FAM200A: variants seen among roughly 807,000 people sequenced by gnomAD.
FAM200A encodes ZBED8 like, also known as protein FAM200A.
In FAM200A, 26 loss-of-function variants were observed where a neutral mutation model predicts 44.2. The observed-to-expected ratio is 0.59, with a 90% CI of 0.43 to 0.82. The LOEUF (loss-of-function observed/expected upper bound fraction) is 0.82, where lower values mean the gene tolerates loss of function less well. Ranked by LOEUF, FAM200A falls within the 40% of genes least tolerant of loss-of-function variation. The probability of loss-of-function intolerance (pLI) is 0.00; values close to 1 mark genes in which losing one functional copy is unlikely to be tolerated. For synonymous variants in FAM200A, 206 were observed against 244.4 expected, an observed-to-expected ratio of 0.84 and a Z score of 1.47; for missense variants, 606 against 669.5, an observed-to-expected ratio of 0.91 and a Z score of 1.05.
chr7:99,557,152 T>C (rs1802710633), intron 1 of FAM200A, among the ~76,000 whole-genome samples: 1 of 152,234 alleles, frequency 6.6e-6, no homozygotes, highest in African/African-American at 2.4e-5. Flanking sequence ...TAGCAGCTGC[T>C]GTTTCTTAAC....
intron 1 of FAM200A, among the ~76,000 whole-genome samples, chr7:99,557,654 G>A (rs997924509): frequency 6.6e-6 from 1 of 152,158 alleles, no homozygotes; most frequent in African/African-American, 2.4e-5. Flanking sequence ...ATGAATTTAG[G>A]TTGGATAAAT....
chr7:99,554,915 A>G (rs1802648975), upstream of FAM200A, among the ~76,000 whole-genome samples: 1 of 152,208 alleles, frequency 6.6e-6, no homozygotes, highest in Non-Finnish European at 1.5e-5. Context: ...GAGAGGTGGC[A>G]GTAGAGCAGA....
chr7:99,546,627 GGGA>G lies in FAM200A; in HGVS notation c.*56_*58del. On this transcript the variant is annotated 3_prime_UTR_variant, in exon 2 of 2. Coordinates refer to ENST00000449309, the MANE Select transcript of FAM200A (RefSeq NM_145111.4). ...CTGCCCACCTCGGTCTCCCACTGCT[GGGA>G]TTACAGGCGTAAGCCACCACACCTG... 7.0e-7 allele frequency: 1 copy of G among 1,437,258 alleles called. No homozygotes were observed. Among genetic ancestry groups the G allele is most frequent in the Non-Finnish European group, 9.1e-7 (1 of 1,098,112 alleles). 89.0% of individuals were successfully genotyped at this position (1,437,258 alleles called of 1,614,324 possible).
rs1168102385 is a variant in FAM200A, at chr7:99,547,252, G to C, written c.1156C>G (p.Gln386Glu). The C allele has an allele frequency of 6.4e-7, 1 of 1,551,314 alleles. No individual in the cohort carries two copies. The highest frequency in any genetic ancestry group is 8.7e-7 in the Non-Finnish European group (1 of 1,146,898). The part of the protein sequence containing the change: ...LGFQKTLLLW[Q>E]ARLKSNRPSY... Reference sequence around the variant, plus strand: ...GGGCGGTTACTTTTAAGTCTTGCTTGCCACAATAATAACGTCTTTTGGAAT... The same window carrying C: ...GGGCGGTTACTTTTAAGTCTTGCTTCCCACAATAATAACGTCTTTTGGAAT... The change falls in exon 2 of 2, where the codon CAA becomes GAA. Residue 386 changes from glutamine (Q) to glutamate (E), a missense_variant. By Grantham distance (29) the Gln-to-Glu change is conservative. Coordinates refer to ENST00000449309, the MANE Select transcript of FAM200A (RefSeq NM_145111.4).
Position 99,546,701 on chromosome 7 carries a change from T to TAGATCTC in FAM200A, c.1706_1707insGAGATCT (p.His570ArgfsTer17), listed in dbSNP as rs1177436510. The TAGATCTC allele has an allele frequency of 7.2e-6, 11 of 1,529,262 alleles. No individual in the cohort carries two copies. The highest frequency in any genetic ancestry group is 4.4e-5 in the Admixed American group (2 of 45,782). 94.7% of individuals were successfully genotyped at this position (1,529,262 alleles called of 1,614,324 possible). A position where few individuals can be genotyped will look rare whatever the true frequency, so the allele number is the denominator to read the frequency against. On this transcript the variant is annotated frameshift_variant, in exon 2 of 2. Coordinates refer to ENST00000449309, the MANE Select transcript of FAM200A (RefSeq NM_145111.4). LOFTEE classifies it high-confidence loss of function. ...AAGTTTGTATTTAATGTGATGGGTG[T>TAGATCTC]GCTTGTCTGTTCATAAGTTCCTTCC...
rs867933686 is a variant in FAM200A, at chr7:99,552,103, G to A, written c.-349C>T. The stretch of plus-strand genomic sequence containing the variant: ...AAGCCCCCTGGCCTTCAGAGCCCAG[G>A]GAAAGCGTCACAAAAGCCGGAAGTG... On this transcript the variant is annotated 5_prime_UTR_variant, in exon 1 of 2. Transcript: ENST00000449309. 1 of 985,368 alleles carries A rather than the reference G, an allele frequency of 1.0e-6. No homozygotes were observed. The highest frequency in any genetic ancestry group is 1.7e-5 in the African/African-American group (1 of 57,256). 61.0% of individuals were successfully genotyped at this position (985,368 alleles called of 1,614,324 possible). A position where few individuals can be genotyped will look rare whatever the true frequency, so the allele number is the denominator to read the frequency against.
chr7:99,555,581 G>C (rs1228263574), upstream of FAM200A, among the ~76,000 whole-genome samples: 1 of 152,164 alleles, frequency 6.6e-6, no homozygotes, highest in Non-Finnish European at 1.5e-5. Flanking sequence ...ACTGTTGCTT[G>C]GATTTACTAT....
chr7:99,550,257 C>G (rs1769709574), intron 1 of FAM200A, among the ~76,000 whole-genome samples: 1 of 151,962 alleles, frequency 6.6e-6, no homozygotes, highest in South Asian at 2.1e-4. Flanking sequence ...ATTATAGGCG[C>G]CCAACACCAG....
In FAM200A at chr7:99,548,517, G is replaced by C; in HGVS notation, c.-99-11C>G. On this transcript the variant is annotated splice_polypyrimidine_tract_variant and intron_variant, in intron 1 of 1. Transcript: ENST00000449309. ...TCAGGTTTTGCTATCCTGCAGGGTA[G>C]AAAAACGTAACAGCAGTATTAAAAA... The C allele has an allele frequency of 6.7e-7, 1 of 1,487,678 alleles. No individual in the cohort carries two copies. The allele number at this position is 1,487,678 out of a possible 1,614,324, so 92.2% of individuals were successfully genotyped here. A position where few individuals can be genotyped will look rare whatever the true frequency, so the allele number is the denominator to read the frequency against.
chr7:99,555,304 C>G (rs942181243), upstream of FAM200A, among the ~76,000 whole-genome samples: 9 of 152,122 alleles, frequency 5.9e-5, no homozygotes, highest in African/African-American at 1.9e-4. Flanking sequence ...CAAAATATAT[C>G]CAGCAAATCC....
At chr7:99,555,035 G>A (rs1478780871), upstream of FAM200A, among the ~76,000 whole-genome samples, 2 of 152,182 alleles carry the variant, frequency 1.3e-5, no homozygotes, top group African/African-American at 4.8e-5. Context: ...ATGATGGGTT[G>A]AATTGTACCT....
At chr7:99,553,805 T>G (rs774672914), upstream of FAM200A, among the ~76,000 whole-genome samples, 11 of 152,236 alleles carry the variant, frequency 7.2e-5, no homozygotes, top group Non-Finnish European at 1.0e-4. Context: ...TTTAGCCCAG[T>G]CTTCAACAGG....
chr7:99,552,108 G>C lies in FAM200A; in HGVS notation c.-354C>G, dbSNP rs1347679397. 1.0e-6 allele frequency: 1 copy of C among 985,494 alleles called. No individual in the cohort carries two copies. Among genetic ancestry groups the C allele is most frequent in the Non-Finnish European group, 1.2e-6 (1 of 829,952 alleles). 61.0% of individuals were successfully genotyped at this position (985,494 alleles called of 1,614,324 possible). ...CCCTGGCCTTCAGAGCCCAGGGAAA[G>C]CGTCACAAAAGCCGGAAGTGCGTCA... On this transcript the variant is annotated 5_prime_UTR_variant, in exon 1 of 2. Coordinates refer to ENST00000449309, the MANE Select transcript of FAM200A (RefSeq NM_145111.4).
At chr7:99,553,042 TACAC>T (rs1389470524), upstream of FAM200A, among the ~76,000 whole-genome samples, 1 of 130,290 alleles carries the variant, frequency 7.7e-6, no homozygotes, top group Non-Finnish European at 1.6e-5. Context: ...TATATATATA[TACAC>T]ACACATATAT....
Position 99,552,077 on chromosome 7 carries a change from C to G in FAM200A, c.-323G>C. 1.0e-6 allele frequency: 1 copy of G among 985,506 alleles called. No individual in the cohort carries two copies. Among genetic ancestry groups the G allele is most frequent in the Non-Finnish European group, 1.2e-6 (1 of 829,960 alleles). The allele number at this position is 985,506 out of a possible 1,614,324, so 61.0% of individuals were successfully genotyped here. On this transcript the variant is annotated 5_prime_UTR_variant, in exon 1 of 2. Coordinates refer to ENST00000449309, the MANE Select transcript of FAM200A (RefSeq NM_145111.4). Reference sequence around the variant, plus strand: ...GGACCAGGAGCACTAGACTCACATCCAAGCCCCCTGGCCTTCAGAGCCCAG... The same window carrying G: ...GGACCAGGAGCACTAGACTCACATCGAAGCCCCCTGGCCTTCAGAGCCCAG...
At position 99,547,259 on chromosome 7, in the gene FAM200A, TAATAACGTCTTTTGG is replaced by T; in HGVS notation, c.1134_1148del (p.Phe378_Leu382del). The T allele has an allele frequency of 6.4e-7, 1 of 1,551,396 alleles. No homozygotes were observed. Among genetic ancestry groups the T allele is most frequent in the Non-Finnish European group, 8.7e-7 (1 of 1,146,906 alleles). ...TACTTTTAAGTCTTGCTTGCCACAATAATAACGTCTTTTGGAATCCTAGAATATGTTCAAGATACT... is the reference window on the plus strand; with the variant it reads ...TACTTTTAAGTCTTGCTTGCCACAATAATCCTAGAATATGTTCAAGATACT... On this transcript the variant is annotated inframe_deletion, in exon 2 of 2. Coordinates refer to ENST00000449309, the MANE Select transcript of FAM200A (RefSeq NM_145111.4).
At chr7:99,553,739 T>C (rs1032733925), upstream of FAM200A, among the ~76,000 whole-genome samples, 51 of 152,198 alleles carry the variant, frequency 3.4e-4, 1 homozygote, top group Admixed American at 6.5e-5. Flanking sequence ...TCAGCGCATA[T>C]ACCATATTCT....
At chr7:99,554,371 C>T (rs1392821369), upstream of FAM200A, among the ~76,000 whole-genome samples, 22 of 146,098 alleles carry the variant, frequency 1.5e-4, no homozygotes, top group East Asian at 1.3e-3. Context: ...CCCAGCTACT[C>T]GGGAGGCTGA....
chr7:99,553,420 T>G (rs1802612399), upstream of FAM200A, among the ~76,000 whole-genome samples: 1 of 152,094 alleles, frequency 6.6e-6, no homozygotes, highest in Non-Finnish European at 1.5e-5. Context: ...ATTTATGTTG[T>G]GTGTGTGGCA....
Sources: gnomAD v4.1 joint callset for allele counts (sites outside exome capture counted in the v4.1 genomes callset) on GRCh38, gnomAD v4.1.1 for gene constraint, MANE v1.5 for transcripts, NCBI Gene and HGNC (gene_info 2026-07-23, HGNC 2026-07-21) for gene names.